The following KMT2C variants were observed in gnomAD, a reference collection of about 807,000 sequenced individuals.
KMT2C encodes lysine methyltransferase 2C.
KMT2C carries 88 observed loss-of-function variants against 507.9 expected under a neutral mutation model. That is an observed-to-expected ratio of 0.17 (90% CI 0.15 to 0.21). KMT2C has a LOEUF of 0.21. Among genes scored for constraint, KMT2C ranks in the 10% least tolerant of loss-of-function variants. The pLI, the probability that KMT2C is intolerant of heterozygous loss-of-function variation, is 1.00. For synonymous variants in KMT2C, 2,049 were observed against 2,080.8 expected, an observed-to-expected ratio of 0.98 and a Z score of 0.42; for missense variants, 4,954 against 5,957.8, an observed-to-expected ratio of 0.83 and a Z score of 5.55.
chr7:152,425,315 C>T lies in KMT2C; in HGVS notation c.161+10311G>A, dbSNP rs562316988. On this transcript the variant is annotated intron_variant, in intron 1 of 58. Transcript: ENST00000262189. ...TTAGGGCCAGGCACAGTGGCTCACA[C>T]CAGTAATCCCTGCACTTTGGAAGGC... 3.3e-5 allele frequency among the ~76,000 whole-genome samples: 5 copies of T among 152,274 alleles called. No homozygotes were observed. The South Asian group carries it at 1.0e-3, about 32-fold the overall frequency.
rs569013304 is a variant in KMT2C, at chr7:152,150,894, T to C, written c.12774+6A>G. On this transcript the variant is annotated splice_donor_region_variant and intron_variant, in intron 51 of 58. Transcript: ENST00000262189. ...TTGTTATCAGCTGAGATTATCCTAA[T>C]CTCACCTTGTTTTCTGAGTTTTTCG... 25 of 1,577,772 alleles carry C rather than the reference T, an allele frequency of 1.6e-5. 1 individual carries two copies. The South Asian group carries it at 2.4e-4, about 15-fold the overall frequency.
At position 152,434,137 on chromosome 7, in the gene KMT2C, T is replaced by C. The variant is rs1194634018; in HGVS notation, c.161+1489A>G. Among the ~76,000 whole-genome samples the C allele has an allele frequency of 2.6e-5, 4 of 152,372 alleles. No homozygotes were observed. The East Asian group carries it at 7.7e-4, about 29-fold the overall frequency. ...AATTACTTAAACCTCCACTTCCTTC[T>C]ACAAATTTCAGTTAATACAGAATAA... On this transcript the variant is annotated intron_variant, in intron 1 of 58. Transcript: ENST00000262189.
intron 1 of KMT2C, among the ~76,000 whole-genome samples, chr7:152,433,149 A>G (rs79626575): frequency 2.6e-4 from 37 of 144,430 alleles, no homozygotes; most frequent in Admixed American, 2.5e-3. Flanking sequence ...CTTCGTCCAG[A>G]AAAAAAAAAA....
Position 152,248,562 on chromosome 7 carries a change from A to G in KMT2C, c.1872T>C (p.Asp624=). The G allele has an allele frequency of 1.2e-6, 2 of 1,613,834 alleles. No individual in the cohort carries two copies. Among genetic ancestry groups the G allele is most frequent in the South Asian group, 2.2e-5 (2 of 91,074 alleles). The change falls in exon 14 of 59, where the codon GAT becomes GAC. Residue 624 remains aspartate (D), a synonymous_variant. Transcript: ENST00000262189. ...CAGAAGACATTTTCAGGTCTTCACT[A>G]TCAACTTCATTAGAAATCTGTTTTT... ...ELEKQISNEV[D]SEDLKMSSEV...
rs561534435 is a variant in KMT2C at position 152,327,710 on chromosome 7, A to G, written c.389+2891T>C. Among the ~76,000 whole-genome samples, 251 of 152,168 alleles carry G rather than the reference A, an allele frequency of 1.6e-3. 3 individuals carry two copies. Among genetic ancestry groups the G allele is most frequent in the Middle Eastern group, 0.014 (4 of 294 alleles). ...GCGGTGACTCACGCCTGTACTCCCAACACTTTGGGAGGCCAAGGCGGGTGG... is the reference window on the plus strand; with the variant it reads ...GCGGTGACTCACGCCTGTACTCCCAGCACTTTGGGAGGCCAAGGCGGGTGG... On this transcript the variant is annotated intron_variant, in intron 3 of 58. Transcript: ENST00000262189.
rs890609471 is a variant in KMT2C at position 152,298,107 on chromosome 7, G to GA, written c.849+11858dup. Among the ~76,000 whole-genome samples the GA allele has an allele frequency of 8.1e-4, 120 of 147,258 alleles. 1 individual carries two copies. Among genetic ancestry groups the GA allele is most frequent in the South Asian group, 3.6e-3 (17 of 4,694 alleles). On this transcript the variant is annotated intron_variant, in intron 6 of 58. Coordinates refer to ENST00000262189, the MANE Select transcript of KMT2C (RefSeq NM_170606.3). Reference sequence around the variant, plus strand: ...ACAGACACTAGCTAAAGTACAAAAAGAAAAAAAAAATCTTAAAAAGTGATT... The same window carrying GA: ...ACAGACACTAGCTAAAGTACAAAAAGAAAAAAAAAAATCTTAAAAAGTGATT...
chr7:152,313,720 G>A (rs1168902576), intron 4 of KMT2C, among the ~76,000 whole-genome samples: 3 of 152,092 alleles, frequency 2.0e-5, no homozygotes, highest in South Asian at 4.2e-4. Flanking sequence ...ACCCTTCAAT[G>A]ATGCCAAATT....
At chr7:152,257,733 T>C (rs1476569243) in intron 9 of KMT2C, among the ~76,000 whole-genome samples, 3 of 152,144 alleles carry the variant, frequency 2.0e-5, no homozygotes, top group Non-Finnish European at 4.4e-5. Flanking sequence ...TGAATATTTA[T>C]GTGTATATAC....
intron 1 of KMT2C, among the ~76,000 whole-genome samples, chr7:152,421,356 G>C (rs1323394762): frequency 6.6e-6 from 1 of 152,064 alleles, no homozygotes; most frequent in African/African-American, 2.4e-5. Context: ...AAAGAACTGA[G>C]AACTACCATT....
chr7:152,223,756 C>T (rs1489366521), intron 20 of KMT2C, among the ~76,000 whole-genome samples: 3 of 151,962 alleles, frequency 2.0e-5, no homozygotes, highest in African/African-American at 7.3e-5. Context: ...GCCAAGATAG[C>T]GCCACTGCAC....
intron 3 of KMT2C, among the ~76,000 whole-genome samples, chr7:152,321,700 G>A (rs2096774433): frequency 6.6e-6 from 1 of 151,918 alleles, no homozygotes; most frequent in African/African-American, 2.4e-5. Context: ...ATACTTAGGT[G>A]TAATTTCAAC....
intron 14 of KMT2C, among the ~76,000 whole-genome samples, chr7:152,242,654 T>C (rs1563547643): frequency 1.3e-5 from 2 of 152,202 alleles, no homozygotes; most frequent in Non-Finnish European, 2.9e-5. Flanking sequence ...TCCAAGCTAG[T>C]AAGTTATACA....
intron 16 of KMT2C, among the ~76,000 whole-genome samples, chr7:152,232,714 GCTTT>G (rs1231410894): frequency 6.6e-6 from 1 of 151,974 alleles, no homozygotes; most frequent in Admixed American, 6.6e-5. Flanking sequence ...AACAAAATCA[GCTTT>G]CTAAGATTTT....
chr7:152,435,532 CCGGGGCGCGGAGGCCG>C (rs922078093), intron 1 of KMT2C, 78 bp downstream of exon 1: 1 of 673,516 alleles, frequency 1.5e-6, no homozygotes, highest in Non-Finnish European at 1.8e-6. Flanking sequence ...CCGGGGGGCG[CCGGGGCGCGGAGGCCG>C]CGGGGCGGGC....
At chr7:152,173,948 T>C (rs555401853) in intron 39 of KMT2C, among the ~76,000 whole-genome samples, 183 bp downstream of exon 39, 2 of 152,368 alleles carry the variant, frequency 1.3e-5, no homozygotes, top group East Asian at 3.8e-4. Flanking sequence ...GTTCTTACAC[T>C]AATTTCTTAA....
intron 56 of KMT2C, 151 bp from the exon 57 acceptor site, chr7:152,139,410 T>C (rs2090267480): frequency 1.4e-6 from 1 of 703,348 alleles, no homozygotes; most frequent in Admixed American, 2.5e-5. Flanking sequence ...AGATGACATT[T>C]ACATGGCACG....
At chr7:152,217,282 T>A (rs1311408675) in intron 23 of KMT2C, among the ~76,000 whole-genome samples, 1 of 152,220 alleles carries the variant, frequency 6.6e-6, no homozygotes, top group East Asian at 1.9e-4. Flanking sequence ...TGAAATACCA[T>A]AAAACTTATT....
chr7:152,411,011 T>A (rs1483139365), intron 1 of KMT2C, among the ~76,000 whole-genome samples: 7 of 151,256 alleles, frequency 4.6e-5, no homozygotes, highest in South Asian at 4.2e-4. Context: ...TCAAAAAAAA[T>A]ATATATATGG....
intron 10 of KMT2C, 106 bp downstream of exon 10, chr7:152,252,440 G>T (rs2095576906): frequency 4.7e-6 from 4 of 852,456 alleles, no homozygotes; most frequent in Non-Finnish European, 5.5e-6. Context: ...AGTACTGATG[G>T]AATTGCTAGA....
Sources: allele counts gnomAD v4.1 joint callset (sites outside exome capture counted in the v4.1 genomes callset), GRCh38; gene constraint gnomAD v4.1.1; transcripts MANE v1.5; gene names NCBI Gene and HGNC (gene_info 2026-07-23, HGNC 2026-07-21).